DMXL1: variants seen among roughly 807,000 people sequenced by gnomAD.
DMXL1 encodes the protein dmX-like protein 1.
DMXL1 carries 99 observed loss-of-function variants against 319.2 expected under a neutral mutation model. The observed-to-expected ratio is 0.31, with a 90% CI of 0.26 to 0.37. The LOEUF is 0.37. Among genes scored for constraint, DMXL1 ranks in the 10% least tolerant of loss-of-function variants. DMXL1 has a pLI of 1.00. For synonymous variants in DMXL1, 1,385 were observed against 1,235.2 expected, an observed-to-expected ratio of 1.12 and a Z score of -2.54; for missense variants, 3,745 against 3,595.6, an observed-to-expected ratio of 1.04 and a Z score of -1.06.
In DMXL1 at chr5:119,199,477, C is replaced by T. The variant is rs566622607; in HGVS notation, c.7745+1521C>T. On this transcript the variant is annotated intron_variant, in intron 32 of 43. Coordinates refer to ENST00000539542, the MANE Select transcript of DMXL1 (RefSeq NM_001290321.3). The stretch of plus-strand genomic sequence containing the variant: ...CTTTATCCAGTCTGTCACTGATGAG[C>T]GTTTAGGTTCCATTTCTTTGCTATT... 4.7e-3 allele frequency among the ~76,000 whole-genome samples: 722 copies of T among 152,180 alleles called. 4 individuals carry two copies. The highest frequency in any genetic ancestry group is 8.3e-3 in the South Asian group (40 of 4,810).
rs148101298 is a variant in DMXL1 at position 119,159,223 on chromosome 5, C to T, written c.4703-5284C>T. Among the ~76,000 whole-genome samples the T allele has an allele frequency of 2.3e-4, 35 of 152,032 alleles. No homozygotes were observed. In the East Asian group the frequency reaches 6.6e-3, roughly 29 times the overall value. The stretch of plus-strand genomic sequence containing the variant: ...TCTCGGCTCACTGCAACTTCTGCCC[C>T]CGGGTTTCAGGTGATTCTCCTACTT... On this transcript the variant is annotated intron_variant, in intron 19 of 43. Transcript: ENST00000539542.
chr5:119,126,634 C>G (rs1457814796), intron 9 of DMXL1: 1 of 152,228 alleles, frequency 6.6e-6, no homozygotes, highest in African/African-American at 2.4e-5. Flanking sequence ...AAATTTTTGT[C>G]CTGCTGTTAA....
chr5:119,152,568 TGTTA>T (rs1427749865), intron 19 of DMXL1, among the ~76,000 whole-genome samples: 6 of 152,262 alleles, frequency 3.9e-5, no homozygotes, highest in African/African-American at 1.4e-4. Flanking sequence ...TTTCAGATAC[TGTTA>T]GTTCTCTTAC....
chr5:119,202,885 T>TATATATATATA (rs1554139437), intron 32 of DMXL1, among the ~76,000 whole-genome samples: 1 of 130,792 alleles, frequency 7.6e-6, no homozygotes, highest in African/African-American at 3.0e-5. Context: ...ATATATATTT[T>TATATATATATA]TATATATATA....
chr5:119,118,902 G>A lies in DMXL1; in HGVS notation c.831G>A (p.Leu277=), dbSNP rs1761426729. Residue 277 remains leucine, a synonymous_variant, in exon 8 of 44, where the codon TTG becomes TTA. Transcript: ENST00000539542. ...AGACATTTTTACCAAATGATTGTTT[G>A]CTATACGGAGGTGACTGCAGCCATT... ...WVETFLPNDC[L]LYGGDCSHWT... is the part of the protein sequence containing the mutation. 6.2e-7 allele frequency: 1 copy of A among 1,613,884 alleles called. No homozygotes were observed. The highest frequency in any genetic ancestry group is 8.5e-7 in the Non-Finnish European group (1 of 1,179,878).
intron 32 of DMXL1, among the ~76,000 whole-genome samples, chr5:119,199,545 A>T (rs1311657928): frequency 6.6e-6 from 1 of 152,028 alleles, no homozygotes; most frequent in African/African-American, 2.4e-5. Context: ...TGTGTTTTTT[A>T]TGGTAGAATG....
intron 31 of DMXL1, among the ~76,000 whole-genome samples, chr5:119,197,377 G>T (rs1471902788): frequency 6.6e-6 from 1 of 152,172 alleles, no homozygotes. Flanking sequence ...TTATGAATTT[G>T]TGTTGGGCTT....
chr5:119,109,891 G>A (rs1422778955), intron 4 of DMXL1, among the ~76,000 whole-genome samples: 2 of 152,098 alleles, frequency 1.3e-5, no homozygotes, highest in Non-Finnish European at 2.9e-5. Flanking sequence ...GTTTGTCATT[G>A]TATTTCCAAT....
rs150040094 is a variant in DMXL1, at chr5:119,150,156, T to C, written c.4329T>C (p.Tyr1443=). The C allele has an allele frequency of 4.3e-6, 7 of 1,613,874 alleles. No homozygotes were observed. Among genetic ancestry groups the C allele is most frequent in the East Asian group, 2.2e-5 (1 of 44,876 alleles). Residue 1443 remains tyrosine (Y), a synonymous_variant, in exon 18 of 44, where the codon TAT becomes TAC. Coordinates refer to ENST00000539542, the MANE Select transcript of DMXL1 (RefSeq NM_001290321.3). ...SKSNQLSKES[Y]DELFQTQLLM... Reference sequence around the variant, plus strand: ...CAAACCAATTATCTAAAGAAAGTTATGATGAGCTTTTTCAGACTCAACTTC... The same window carrying C: ...CAAACCAATTATCTAAAGAAAGTTACGATGAGCTTTTTCAGACTCAACTTC...
chr5:119,099,116 T>A (rs913456819), intron 2 of DMXL1, among the ~76,000 whole-genome samples: 18 of 152,192 alleles, frequency 1.2e-4, no homozygotes, highest in African/African-American at 3.9e-4. Context: ...TGAGGCCTCT[T>A]ATGACTTCTC....
chr5:119,235,807 C>G (rs1404272190), intron 39 of DMXL1, among the ~76,000 whole-genome samples: 1 of 152,086 alleles, frequency 6.6e-6, no homozygotes, highest in African/African-American at 2.4e-5. Context: ...CCACAGAATT[C>G]TGATGGACAA....
intron 1 of DMXL1, among the ~76,000 whole-genome samples, chr5:119,097,270 G>A (rs1259416207): frequency 6.6e-6 from 1 of 152,204 alleles, no homozygotes; most frequent in East Asian, 1.9e-4. Context: ...AGGGGTTTAA[G>A]CAGGGAAAAT....
chr5:119,207,783 A>G (rs1412454169), intron 34 of DMXL1, among the ~76,000 whole-genome samples: 1 of 152,142 alleles, frequency 6.6e-6, no homozygotes, highest in Non-Finnish European at 1.5e-5. Context: ...TGGCCTCCCA[A>G]AGTGCTAGGA....
intron 9 of DMXL1, among the ~76,000 whole-genome samples, chr5:119,121,948 G>T (rs9327088): frequency 0.31 from 41,391 of 131,482 alleles, 5,374 homozygotes; most frequent in East Asian, 0.78. Context: ...GGGGCGGCTG[G>T]CCGGGCAGAG....
At chr5:119,099,425 G>T (rs114096319) in intron 2 of DMXL1, among the ~76,000 whole-genome samples, 1 of 151,990 alleles carries the variant, frequency 6.6e-6, no homozygotes, top group African/African-American at 2.4e-5. Context: ...TGGTAAGTCT[G>T]GTTTCAATCT....
At position 119,240,496 on chromosome 5, in the gene DMXL1, A is replaced by G. The variant is rs748099887; in HGVS notation, c.8704+25A>G. The G allele has an allele frequency of 3.9e-6, 6 of 1,529,950 alleles. No homozygotes were observed. In the African/African-American group the frequency reaches 5.5e-5, roughly 14 times the overall value. 94.8% of individuals were successfully genotyped at this position (1,529,950 alleles called of 1,614,324 possible). A position where few individuals can be genotyped will look rare whatever the true frequency, so the allele number is the denominator to read the frequency against. On this transcript the variant is annotated intron_variant, in intron 42 of 43. Coordinates refer to ENST00000539542, the MANE Select transcript of DMXL1 (RefSeq NM_001290321.3). ...GGTAAGTTTTCAAAGCATTTTATAAATTTTGAAAGTCAGGAAATTCATAAG... is the reference window on the plus strand; with the variant it reads ...GGTAAGTTTTCAAAGCATTTTATAAGTTTTGAAAGTCAGGAAATTCATAAG...
At chr5:119,188,408 A>C (rs1778132413) in intron 28 of DMXL1, among the ~76,000 whole-genome samples, 1 of 152,242 alleles carries the variant, frequency 6.6e-6, no homozygotes, top group Non-Finnish European at 1.5e-5. Context: ...ATCTCTTAAA[A>C]AAGACAAAAC....
Position 119,248,104 on chromosome 5 carries a change from A to G in DMXL1, c.*885A>G, listed in dbSNP as rs891032407. 1.3e-5 allele frequency: 2 copies of G among 152,210 alleles called. No homozygotes were observed. Among genetic ancestry groups the G allele is most frequent in the African/African-American group, 4.8e-5 (2 of 41,444 alleles). 9.4% of individuals were successfully genotyped at this position (152,210 alleles called of 1,614,324 possible). On this transcript the variant is annotated 3_prime_UTR_variant, in exon 44 of 44. Transcript: ENST00000539542. ...ATATATCATGTAAGACACTTAAAGT[A>G]AGTTTGTGAATTTGTCAACTTTCGA...
intron 28 of DMXL1, among the ~76,000 whole-genome samples, chr5:119,186,009 C>CAT (rs1777646546): frequency 6.6e-6 from 1 of 152,174 alleles, no homozygotes; most frequent in African/African-American, 2.4e-5. Flanking sequence ...TAAAGGTTAA[C>CAT]ATATACCTCT....
Sources: allele counts gnomAD v4.1 joint callset (sites outside exome capture counted in the v4.1 genomes callset), GRCh38; gene constraint gnomAD v4.1.1; transcripts MANE v1.5; gene names NCBI Gene and HGNC (gene_info 2026-07-23, HGNC 2026-07-21).